LARGE2: variants seen among roughly 807,000 people sequenced by gnomAD.
LARGE2 encodes the protein LARGE xylosyl- and glucuronyltransferase 2.
Under a neutral mutation model 75.3 loss-of-function variants are expected in LARGE2, and 63 were observed. The observed-to-expected ratio is 0.84, with a 90% CI of 0.68 to 1.03. The LOEUF is 1.03. Ranked by LOEUF, LARGE2 falls within the 50% of genes least tolerant of loss-of-function variation. LARGE2 has a pLI of 0.00. For synonymous variants in LARGE2, 428 were observed against 420.1 expected, an observed-to-expected ratio of 1.02 and a Z score of -0.23; for missense variants, 925 against 980.6, an observed-to-expected ratio of 0.94 and a Z score of 0.76.
At chr11:45,922,059 G>T (rs2086938982), upstream of LARGE2, among the ~76,000 whole-genome samples, 1 of 152,066 alleles carries the variant, frequency 6.6e-6, no homozygotes, top group African/African-American at 2.4e-5. Context: ...CCCTGCCCAG[G>T]CAGCCTAGGC....
intron 2 of LARGE2, 139 bp downstream of exon 2, chr11:45,923,306 G>A: frequency 9.1e-7 from 1 of 1,093,566 alleles, no homozygotes; most frequent in Non-Finnish European, 1.3e-6. Context: ...CGAACGTGCA[G>A]CTCCTCTGCT....
Position 45,928,753 on chromosome 11 carries a change from G to C in LARGE2, c.2074G>C (p.Glu692Gln), listed in dbSNP as rs749153488. The change falls in exon 14 of 14, where the codon GAA (glutamate) becomes CAA (glutamine). Residue 692 changes from glutamate (E) to glutamine (Q), a missense_variant. Coordinates refer to ENST00000401752, the MANE Select transcript of LARGE2 (RefSeq NM_001300721.2). ...YRDCLQALKD[E>Q]FHQDLSRHHG... ...TGACTGCCTCCAGGCCCTCAAGGAC[G>C]AATTCCACCAGGACTTGTCCCGCCA... 3 of 1,614,090 alleles carry C rather than the reference G, an allele frequency of 1.9e-6. No homozygotes were observed. In the Admixed American group the frequency reaches 5.0e-5, roughly 27 times the overall value.
chr11:45,928,118 C>A (rs2087305682), intron 12 of LARGE2, 49 bp downstream of exon 12: 2 of 1,612,622 alleles, frequency 1.2e-6, no homozygotes, highest in Non-Finnish European at 1.7e-6. Context: ...CCCACACTGG[C>A]CCCCACTACC....
chr11:45,925,976 A>AC, intron 6 of LARGE2, 63 bp from the exon 7 acceptor site: 1 of 1,402,160 alleles, frequency 7.1e-7, no homozygotes, highest in Non-Finnish European at 9.8e-7. Flanking sequence ...CACCTTCATG[A>AC]CCCCCATGTC....
intron 3 of LARGE2, 99 bp downstream of exon 3, chr11:45,923,654 G>A: frequency 9.2e-7 from 1 of 1,081,824 alleles, no homozygotes; most frequent in Non-Finnish European, 1.4e-6. Flanking sequence ...CATCTGTGAC[G>A]CGGGGACAGT....
At chr11:45,923,620 C>A in intron 3 of LARGE2, 65 bp downstream of exon 3, 2 of 1,407,300 alleles carry the variant, frequency 1.4e-6, no homozygotes, top group Non-Finnish European at 2.0e-6. Flanking sequence ...GGACAGGCTG[C>A]TGGTCTCAGA....
chr11:45,928,309 T>C lies in LARGE2; in HGVS notation c.1887T>C (p.Tyr629=). The part of the protein sequence containing the change: ...YVVVPRDCPR[Y]DPRFVGFGWN... ...TGGTGCCACGAGACTGTCCCCGCTATGATCCTCGCTTTGTGGGCTTCGGCT... is the reference window on the plus strand; with the variant it reads ...TGGTGCCACGAGACTGTCCCCGCTACGATCCTCGCTTTGTGGGCTTCGGCT... Residue 629 remains tyrosine, a synonymous_variant, in exon 13 of 14, where the codon TAT becomes TAC. Transcript: ENST00000401752. 6.2e-7 allele frequency: 1 copy of C among 1,614,196 alleles called. No individual in the cohort carries two copies. Among genetic ancestry groups the C allele is most frequent in the Non-Finnish European group, 8.5e-7 (1 of 1,180,038 alleles).
intron 4 of LARGE2, 26 bp downstream of exon 4, chr11:45,924,303 C>G: frequency 9.9e-6 from 16 of 1,610,900 alleles, no homozygotes; most frequent in Non-Finnish European, 1.4e-5. Flanking sequence ...TTCCCCCCTC[C>G]CCTCAGCTGT....
chr11:45,928,950 T>G lies in LARGE2; in HGVS notation c.*105T>G. 6.9e-7 allele frequency: 1 copy of G among 1,449,302 alleles called. No individual in the cohort carries two copies. Among genetic ancestry groups the G allele is most frequent in the Non-Finnish European group, 9.3e-7 (1 of 1,069,640 alleles). 89.8% of individuals were successfully genotyped at this position (1,449,302 alleles called of 1,614,324 possible). On this transcript the variant is annotated 3_prime_UTR_variant, in exon 14 of 14. Transcript: ENST00000401752. ...ATTATTTAAGGTCTCTGGGAAGGGC[T>G]GGGGCAGAGCATCTGTGGGGTGGGG... is the stretch of plus-strand genomic sequence containing the variant.
chr11:45,925,598 G>C (rs949347532), intron 6 of LARGE2, among the ~76,000 whole-genome samples: 1 of 152,214 alleles, frequency 6.6e-6, no homozygotes, highest in Non-Finnish European at 1.5e-5. Context: ...AGAGGTTGCA[G>C]TGAGCCGAGT....
intron 13 of LARGE2, 85 bp from the exon 14 acceptor site, chr11:45,928,545 C>T: frequency 2.6e-6 from 4 of 1,553,046 alleles, no homozygotes; most frequent in Non-Finnish European, 3.5e-6. Flanking sequence ...TCAGGGGCTA[C>T]AGGGTAAGCC....
rs773542378 is a variant in LARGE2 at position 45,922,978 on chromosome 11, G to A, written c.96G>A (p.Gly32=). Residue 32 remains glycine, a synonymous_variant, in exon 2 of 14, where the codon GGG becomes GGA. Transcript: ENST00000401752. ...LGFLLFGGDL[G]CERREPGGRA... Reference sequence around the variant, plus strand: ...TCCTCCTGTTCGGTGGGGACCTGGGGTGTGAGCGCCGCGAGCCTGGCGGGC... The same window carrying A: ...TCCTCCTGTTCGGTGGGGACCTGGGATGTGAGCGCCGCGAGCCTGGCGGGC... 7.5e-7 allele frequency: 1 copy of A among 1,338,846 alleles called. No individual in the cohort carries two copies. The highest frequency in any genetic ancestry group is 9.5e-7 in the Non-Finnish European group (1 of 1,051,150). The allele number at this position is 1,338,846 out of a possible 1,614,324, so 82.9% of individuals were successfully genotyped here.
chr11:45,926,683 C>T (rs753015773), intron 9 of LARGE2, 28 bp from the exon 10 acceptor site: 12 of 1,611,698 alleles, frequency 7.4e-6, no homozygotes, highest in Admixed American at 1.7e-5. Context: ...GCCCTATCCC[C>T]GGTCCTTGTC....
chr11:45,923,425 G>A lies in LARGE2; in HGVS notation c.286-48G>A, dbSNP rs1230331899. The A allele has an allele frequency of 5.3e-6, 8 of 1,510,748 alleles. No homozygotes were observed. The South Asian group carries it at 8.0e-5, about 15-fold the overall frequency. 93.6% of individuals were successfully genotyped at this position (1,510,748 alleles called of 1,614,324 possible). A position where few individuals can be genotyped will look rare whatever the true frequency, so the allele number is the denominator to read the frequency against. The stretch of plus-strand genomic sequence containing the variant: ...GGGCAGCTCAACATGGGTCCTCACC[G>A]CCTAGCGGAGAAGGGGGGCTGCTGC... On this transcript the variant is annotated intron_variant, in intron 2 of 13. Coordinates refer to ENST00000401752, the MANE Select transcript of LARGE2 (RefSeq NM_001300721.2).
chr11:45,923,041 G>T lies in LARGE2; in HGVS notation c.159G>T (p.Met53Ile). The T allele has an allele frequency of 7.1e-7, 1 of 1,411,794 alleles. No individual in the cohort carries two copies. 87.5% of individuals were successfully genotyped at this position (1,411,794 alleles called of 1,614,324 possible). Residue 53 changes from methionine (M) to isoleucine (I), a missense_variant, in exon 2 of 14, where the codon ATG (methionine) becomes ATT (isoleucine). Met to Ile is a conservative substitution (Grantham distance 10). Transcript: ENST00000401752. ...CGGGATGCTTCCCCGGCCCGCTCAT[G>T]CCACGTGTCCCCCCAGACGGGAGGC... ...GAPGCFPGPL[M>I]PRVPPDGRLR... is the part of the protein sequence containing the mutation.
At position 45,924,243 on chromosome 11, in the gene LARGE2, TCCG is replaced by T; in HGVS notation, c.459_461del (p.Arg154del). On this transcript the variant is annotated inframe_deletion, in exon 4 of 14. Coordinates refer to ENST00000401752, the MANE Select transcript of LARGE2 (RefSeq NM_001300721.2). ...TTCCACACATGGATGGTGCCTGCTG[TCCG>T]TGTCAGCTTTTATCATGCCGACCAG... 1 of 1,613,576 alleles carries T rather than the reference TCCG, an allele frequency of 6.2e-7. No individual in the cohort carries two copies. The highest frequency in any genetic ancestry group is 8.5e-7 in the Non-Finnish European group (1 of 1,180,006).
At position 45,924,263 on chromosome 11, in the gene LARGE2, G is replaced by A; in HGVS notation, c.478G>A (p.Ala160Thr). Residue 160 changes from alanine (A) to threonine (T), a missense_variant, in exon 4 of 14, where the codon GCC becomes ACC. Physicochemically the swap from Ala to Thr is moderately conservative, Grantham distance 58 (BLOSUM62 0). Transcript: ENST00000401752. Reference protein sequence around the residue: ...VPAVRVSFYHADQLKPQVSWI... With the variant: ...VPAVRVSFYHTDQLKPQVSWI... ...TGCTGTCCGTGTCAGCTTTTATCATGCCGACCAGCTCAAGGCAGGGGCCCA... is the reference window on the plus strand; with the variant it reads ...TGCTGTCCGTGTCAGCTTTTATCATACCGACCAGCTCAAGGCAGGGGCCCA... 6.2e-7 allele frequency: 1 copy of A among 1,613,262 alleles called. No homozygotes were observed. Among genetic ancestry groups the A allele is most frequent in the Non-Finnish European group, 8.5e-7 (1 of 1,180,006 alleles).
At chr11:45,928,584 G>GGCCAGGCAA (rs1565099812) in intron 13 of LARGE2, 46 bp from the exon 14 acceptor site, 28 of 1,592,692 alleles carry the variant, frequency 1.8e-5, no homozygotes, top group East Asian at 2.2e-5. Context: ...CTTCCCCGCA[G>GGCCAGGCAA]GCCAGGCAAG....
rs752811574 is a variant in LARGE2, at chr11:45,928,226, C to T, written c.1804C>T (p.Arg602Trp). 38 of 1,613,902 alleles carry T rather than the reference C, an allele frequency of 2.4e-5. 1 individual carries two copies. Among genetic ancestry groups the T allele is most frequent in the East Asian group, 2.0e-4 (9 of 44,872 alleles). ...CGCACCCACAGACTATGCCCGCTGG[C>T]GGGAGGCTCAGGCCCCGTACCGTGT... ...GHAPTDYARWREAQAPYRVQW... is the reference protein window; with the variant it reads ...GHAPTDYARWWEAQAPYRVQW... The change falls in exon 13 of 14, where the codon CGG becomes TGG. Residue 602 changes from arginine to tryptophan, a missense_variant. Arg to Trp is a moderately radical substitution (Grantham distance 101, BLOSUM62 -3). This residue lies in a region of LARGE2 where 469 missense variants were observed against 503.8 expected (regional missense o/e 0.93). Coordinates refer to ENST00000401752, the MANE Select transcript of LARGE2 (RefSeq NM_001300721.2).
Sources: gnomAD v4.1 joint callset for allele counts (sites outside exome capture counted in the v4.1 genomes callset) on GRCh38, gnomAD v4.1.1 for gene constraint, gnomAD v4.1.1 regional missense constraint, MANE v1.5 for transcripts, NCBI Gene and HGNC (gene_info 2026-07-23, HGNC 2026-07-21) for gene names.